Variants in ACTR8 observed in about 807,000 individuals in gnomAD.
ACTR8 encodes the protein actin-related protein 8.
In ACTR8, 70 loss-of-function variants were observed where a neutral mutation model predicts 84.3. The observed-to-expected ratio is 0.83, with a 90% confidence interval of 0.68 to 1.01. The LOEUF (loss-of-function observed/expected upper bound fraction) is 1.01. Ranked by LOEUF, ACTR8 falls within the 50% of genes least tolerant of loss-of-function variation. The pLI, the probability that ACTR8 is intolerant of heterozygous loss-of-function variation, is 0.00. For synonymous variants in ACTR8, 268 were observed against 275.2 expected (o/e 0.97, Z 0.26); for missense variants, 672 against 775.4 (o/e 0.87, Z 1.58).
Position 53,870,180 on chromosome 3 carries a change from C to A in ACTR8, c.1568-35G>T, listed in dbSNP as rs1576860633. Reference sequence around the variant, plus strand: ...CAGTTGACATCCTCCATGCTTTTTTCTCCACATCCATAATTCTAGGCCAAG... The same window carrying A: ...CAGTTGACATCCTCCATGCTTTTTTATCCACATCCATAATTCTAGGCCAAG... On this transcript the variant is annotated intron_variant, in intron 11 of 12. Coordinates refer to ENST00000335754, the MANE Select transcript of ACTR8 (RefSeq NM_022899.5). The surrounding 1 kb of genome is among the most constrained non-coding windows in gnomAD (Gnocchi z 4.1). The A allele has an allele frequency of 6.2e-7, 1 of 1,601,388 alleles. No homozygotes were observed. The highest frequency in any genetic ancestry group is 2.2e-5 in the East Asian group (1 of 44,592).
the ACTR8 span, among the ~76,000 whole-genome samples, chr3:53,861,888 A>G: frequency 6.6e-6 from 1 of 152,228 alleles, no homozygotes; most frequent in Non-Finnish European, 1.5e-5. Flanking sequence ...GAAGAGAAGC[A>G]TGCATCAGGA....
intron 1 of ACTR8, 70 bp downstream of exon 1, chr3:53,881,909 C>T: frequency 6.5e-7 from 1 of 1,547,282 alleles, no homozygotes; most frequent in Non-Finnish European, 8.7e-7. Context: ...CTCCCGCCGC[C>T]TCCCGCCCCT....
chr3:53,873,982 GC>G (rs1173264373), intron 8 of ACTR8, among the ~76,000 whole-genome samples: 1 of 151,960 alleles, frequency 6.6e-6, no homozygotes, highest in East Asian at 1.9e-4. Flanking sequence ...CCGCCACCAC[GC>G]CCGGCTAATT....
At chr3:53,872,321 C>A in intron 10 of ACTR8, 63 bp downstream of exon 10, 1 of 1,486,854 alleles carries the variant, frequency 6.7e-7, no homozygotes. Flanking sequence ...GGCCTATTAA[C>A]TCTGGACAAA....
Position 53,880,096 on chromosome 3 carries a change from T to C in ACTR8, c.137A>G (p.Asn46Ser), listed in dbSNP as rs1700036569. 9 of 1,613,652 alleles carry C rather than the reference T, an allele frequency of 5.6e-6. No individual in the cohort carries two copies. The highest frequency in any genetic ancestry group is 7.6e-6 in the Non-Finnish European group (9 of 1,179,692). Residue 46 changes from asparagine to serine, a missense_variant, in exon 2 of 13, where the codon AAC (asparagine) becomes AGC (serine). By Grantham distance (46) the Asn-to-Ser change is conservative (BLOSUM62 1). Coordinates refer to ENST00000335754, the MANE Select transcript of ACTR8 (RefSeq NM_022899.5). ...ACCTGGATGTATGACAATGATGAAGTTGCTCTGGATTTGCTGCAGATATAA... is the reference window on the plus strand; with the variant it reads ...ACCTGGATGTATGACAATGATGAAGCTGCTCTGGATTTGCTGCAGATATAA... Reference protein sequence around the residue: ...PESLQEQIQSNFIIVIHPGST... With the variant: ...PESLQEQIQSSFIIVIHPGST...
chr3:53,876,244 C>T (rs1007723361), intron 6 of ACTR8, among the ~76,000 whole-genome samples, 164 bp from the exon 7 acceptor site: 9 of 152,070 alleles, frequency 5.9e-5, no homozygotes, highest in African/African-American at 1.4e-4. Context: ...GTAGGCCCGG[C>T]GCGGTGGCTC....
chr3:53,878,594 T>G, intron 2 of ACTR8, 127 bp from the exon 3 acceptor site: 2 of 668,046 alleles, frequency 3.0e-6, no homozygotes, highest in Non-Finnish European at 5.4e-6. Flanking sequence ...TCCTTAATCT[T>G]TATCACATGT....
chr3:53,874,415 C>T (rs1559793161), intron 7 of ACTR8, 51 bp from the exon 8 acceptor site: 1 of 1,570,764 alleles, frequency 6.4e-7, no homozygotes, highest in Admixed American at 1.8e-5. Flanking sequence ...TAAGAAGGTG[C>T]AAAAGGTGTT....
In ACTR8 at chr3:53,868,421, G is replaced by A. The variant is rs896007047; in HGVS notation, c.*298C>T. 6.7e-6 allele frequency: 2 copies of A among 299,934 alleles called. No individual in the cohort carries two copies. The highest frequency in any genetic ancestry group is 1.2e-5 in the Non-Finnish European group (2 of 162,722). 18.6% of individuals were successfully genotyped at this position (299,934 alleles called of 1,614,324 possible). On this transcript the variant is annotated 3_prime_UTR_variant, in exon 13 of 13. Coordinates refer to ENST00000335754, the MANE Select transcript of ACTR8 (RefSeq NM_022899.5). ...ACTTAAATGAAGGGCTTCACCACAT[G>A]AGAACCTTCAATAGCAACGTTTACA...
chr3:53,877,293 G>A lies in ACTR8; in HGVS notation c.605C>T (p.Thr202Ile). The A allele has an allele frequency of 1.2e-6, 2 of 1,614,106 alleles. No homozygotes were observed. The highest frequency in any genetic ancestry group is 1.3e-5 in the African/African-American group (1 of 75,056). The change falls in exon 5 of 13, where the codon ACA becomes ATA. Residue 202 changes from threonine to isoleucine, a missense_variant. Transcript: ENST00000335754. ...TACTTCAATATCTGCCAGAACAGCT[G>A]TAAGAGAGCCCCCAGGGCCTGGGTG... ...NIHPGPGGSLTAVLADIEVIW... is the reference protein window; with the variant it reads ...NIHPGPGGSLIAVLADIEVIW...
chr3:53,866,411 T>G (rs1203132833), downstream of ACTR8, among the ~76,000 whole-genome samples: 2 of 152,146 alleles, frequency 1.3e-5, no homozygotes, highest in African/African-American at 2.4e-5. Context: ...CCCCACAGAA[T>G]GACAGAACAT....
At chr3:53,877,796 C>CG in intron 3 of ACTR8, 45 bp from the exon 4 acceptor site, 1 of 1,536,778 alleles carries the variant, frequency 6.5e-7, no homozygotes, top group Non-Finnish European at 9.0e-7. Context: ...TTATTCAAGG[C>CG]GGGGGCAACA....
In ACTR8 at chr3:53,876,640, A is replaced by G. The variant is rs760704901; in HGVS notation, c.758T>C (p.Leu253Pro). The G allele has an allele frequency of 1.3e-6, 2 of 1,574,736 alleles. No individual in the cohort carries two copies. The highest frequency in any genetic ancestry group is 2.3e-5 in the South Asian group (2 of 87,544). Residue 253 changes from leucine (L) to proline (P), a missense_variant, in exon 6 of 13, where the codon CTA becomes CCA. Transcript: ENST00000335754. ...CATACCTGAAAAACCCATCTTCATT[A>G]GTATCATATTCACTAGTTCTTTCAC... ...QHVKELVNMI[L>P]MKMGFSGIVV... is the part of the protein sequence containing the mutation.
Position 53,876,090 on chromosome 3 carries a change from G to GC in ACTR8, c.779-11_779-10insG. On this transcript the variant is annotated splice_polypyrimidine_tract_variant and intron_variant, in intron 6 of 12. Coordinates refer to ENST00000335754, the MANE Select transcript of ACTR8 (RefSeq NM_022899.5). ...TGATGGACCACAATCCCTGGGGGGG[G>GC]AAAAGAAAAGGCAGAGTAGTCATTA... is the stretch of plus-strand genomic sequence containing the variant. 6.3e-7 allele frequency: 1 copy of GC among 1,589,112 alleles called. No homozygotes were observed. Among genetic ancestry groups the GC allele is most frequent in the Non-Finnish European group, 8.5e-7 (1 of 1,171,834 alleles).
At chr3:53,864,417 C>T (rs1341366455), downstream of ACTR8, among the ~76,000 whole-genome samples, 1 of 152,110 alleles carries the variant, frequency 6.6e-6, no homozygotes, top group African/African-American at 2.4e-5. Flanking sequence ...CGCCTGTAGT[C>T]CCAGCTACTC....
the ACTR8 span, chr3:53,860,221 G>A: frequency 1.9e-6 from 3 of 1,611,976 alleles, no homozygotes; most frequent in Non-Finnish European, 2.5e-6. Flanking sequence ...ATCTAATGTG[G>A]AGGCACGGTA....
At position 53,869,711 on chromosome 3, in the gene ACTR8, T is replaced by C. The variant is rs571932688; in HGVS notation, c.1731+271A>G. Among the ~76,000 whole-genome samples the C allele has an allele frequency of 2.4e-4, 37 of 152,274 alleles. No individual in the cohort carries two copies. The South Asian group carries it at 7.3e-3, about 30-fold the overall frequency. ...GCTGGCAGGGCTTGAGAGCAGTTGG[T>C]CCTCCCCTTGCCCCACCTGATCCTT... On this transcript the variant is annotated intron_variant, in intron 12 of 12. Transcript: ENST00000335754.
At chr3:53,871,598 A>G in intron 10 of ACTR8, 102 bp from the exon 11 acceptor site, 1 of 1,344,738 alleles carries the variant, frequency 7.4e-7, no homozygotes, top group Non-Finnish European at 1.0e-6. Context: ...ATAAAACAAA[A>G]GCCACACAGC....
downstream of ACTR8, among the ~76,000 whole-genome samples, chr3:53,864,142 A>G (rs1321687172): frequency 6.6e-6 from 1 of 152,126 alleles, no homozygotes; most frequent in Non-Finnish European, 1.5e-5. Context: ...TCTTAAACCT[A>G]AAGTTTCTAT....
Sources: gnomAD v4.1 joint callset for allele counts (sites outside exome capture counted in the v4.1 genomes callset) on GRCh38, gnomAD v4.1.1 for gene constraint, Gnocchi (gnomAD v3.1) non-coding constraint, MANE v1.5 for transcripts, NCBI Gene and HGNC (gene_info 2026-07-23, HGNC 2026-07-21) for gene names.